Variants in TTN observed in about 807,000 individuals in gnomAD.
The protein encoded by TTN is connectin.
Under a neutral mutation model 3,223.0 loss-of-function variants are expected in TTN, and 1,525 were observed. The ratio of observed to expected loss-of-function variants is 0.47; its 90% CI spans 0.45 to 0.49. The LOEUF (loss-of-function observed/expected upper bound fraction) is 0.49. Among genes scored for constraint, TTN ranks in the 20% least tolerant of loss-of-function variants. The probability of loss-of-function intolerance (pLI) is 0.00; values close to 1 mark genes in which losing one functional copy is unlikely to be tolerated. For synonymous variants in TTN, 14,094 were observed against 15,161.0 expected (o/e 0.93, Z 5.17); for missense variants, 40,786 against 43,424.0 (o/e 0.94, Z 5.40).
Position 178,530,381 on chromosome 2 carries a change from C to A in TTN, c.106234G>T (p.Ala35412Ser), listed in dbSNP as rs766892661. 2 of 1,613,886 alleles carry A rather than the reference C, an allele frequency of 1.2e-6. No individual in the cohort carries two copies. Among genetic ancestry groups the A allele is most frequent in the Non-Finnish European group, 1.7e-6 (2 of 1,179,872 alleles). Residue 35412 changes from alanine (A) to serine (S), a missense_variant, in exon 358 of 363, where the codon GCT becomes TCT. Ala to Ser is a moderately conservative substitution (Grantham distance 99, BLOSUM62 1). Coordinates refer to ENST00000589042, the MANE Select transcript of TTN (RefSeq NM_001267550.2). ...STVTRKTEPK[A>S]PEPISSKPVI... ...GGTTTTGAGGAAATTGGTTCAGGAG[C>A]TTTTGGTTCAGTTTTTCTGGTTACT... is the stretch of plus-strand genomic sequence containing the variant.
At chr2:178,544,594 C>T (rs1696158922) in intron 344 of TTN, 88 bp from the exon 345 acceptor site, 8 of 1,148,252 alleles carry the variant, frequency 7.0e-6, no homozygotes, top group Non-Finnish European at 1.0e-5. Context: ...CTCACAAAGG[C>T]ATTATTGCTC....
In TTN at chr2:178,647,400, T is replaced by A. The variant is rs752510427; in HGVS notation, c.40122A>T (p.Pro13374=). The change falls in exon 214 of 363, where the codon CCA becomes CCT. Residue 13374 remains proline (P), a synonymous_variant. Coordinates refer to ENST00000589042, the MANE Select transcript of TTN (RefSeq NM_001267550.2). ...KEVSVPIPAE[P]EVPPAEVEET... Reference sequence around the variant, plus strand: ...GTGTACCTTCAGCAGGTGGAACTTCTGGCTCTGCAGGGATAGGCACAGACA... The same window carrying A: ...GTGTACCTTCAGCAGGTGGAACTTCAGGCTCTGCAGGGATAGGCACAGACA... 5 of 1,549,730 alleles carry A rather than the reference T, an allele frequency of 3.2e-6. No homozygotes were observed. In the South Asian group the frequency reaches 6.0e-5, roughly 18 times the overall value.
At chr2:178,623,093 T>G (rs1195397732) in intron 242 of TTN, among the ~76,000 whole-genome samples, 1 of 151,836 alleles carries the variant, frequency 6.6e-6, no homozygotes, top group Non-Finnish European at 1.5e-5. Context: ...GCACCAGACT[T>G]GAAAGATAAT....
intron 29 of TTN, 107 bp downstream of exon 29, chr2:178,774,814 T>A: frequency 7.7e-7 from 1 of 1,304,012 alleles, no homozygotes. Context: ...TATAGTCAAT[T>A]TCCAAATAAT....
chr2:178,698,156 G>A (rs2074056244), intron 112 of TTN, among the ~76,000 whole-genome samples: 1 of 152,216 alleles, frequency 6.6e-6, no homozygotes, highest in Admixed American at 6.5e-5. Flanking sequence ...GACAAAGACT[G>A]TAAGTTCTCA....
At position 178,734,846 on chromosome 2, in the gene TTN, G is replaced by C; in HGVS notation, c.15078C>G (p.Asn5026Lys). The change falls in exon 51 of 363, where the codon AAC (asparagine) becomes AAG (lysine). Residue 5026 changes from asparagine to lysine, a missense_variant. Coordinates refer to ENST00000589042, the MANE Select transcript of TTN (RefSeq NM_001267550.2). ...AATTGACAAAATACATTCGGACTGT[G>C]TTACTTTCACTGAGTTCTTTGTTAT... The part of the protein sequence containing the change: ...FKNNKELSES[N>K]TVRMYFVNSE... 6.2e-7 allele frequency: 1 copy of C among 1,613,734 alleles called. No individual in the cohort carries two copies. The highest frequency in any genetic ancestry group is 8.5e-7 in the Non-Finnish European group (1 of 1,179,756).
In TTN at chr2:178,611,044, G is replaced by C; in HGVS notation, c.51085C>G (p.Leu17029Val). The C allele has an allele frequency of 6.2e-7, 1 of 1,612,710 alleles. No homozygotes were observed. Among genetic ancestry groups the C allele is most frequent in the Non-Finnish European group, 8.5e-7 (1 of 1,179,118 alleles). Reference protein sequence around the residue: ...RADAGIYTITLENKLGSATAS... With the variant: ...RADAGIYTITVENKLGSATAS... Reference sequence around the variant, plus strand: ...GTTGCTGAGCCGAGCTTATTCTCCAGTGTAATGGTATAAATTCCGGCATCT... The same window carrying C: ...GTTGCTGAGCCGAGCTTATTCTCCACTGTAATGGTATAAATTCCGGCATCT... Residue 17029 changes from leucine to valine, a missense_variant, in exon 270 of 363, where the codon CTG (leucine) becomes GTG (valine). By Grantham distance (32) the Leu-to-Val change is conservative. Coordinates refer to ENST00000589042, the MANE Select transcript of TTN (RefSeq NM_001267550.2).
chr2:178,747,705 C>T, intron 47 of TTN: 1 of 1,612,298 alleles, frequency 6.2e-7, no homozygotes. Context: ...TCAGATTCTG[C>T]TGCCTCAGTG....
At chr2:178,706,336 T>C (rs1560527659) in intron 102 of TTN, 118 bp downstream of exon 102, 6 of 1,078,612 alleles carry the variant, frequency 5.6e-6, no homozygotes, top group Non-Finnish European at 7.8e-6. Context: ...GTATTGTTTA[T>C]TTGTATTTTT....
intron 121 of TTN, among the ~76,000 whole-genome samples, chr2:178,690,810 A>G (rs1361848035): frequency 6.6e-6 from 1 of 152,120 alleles, no homozygotes; most frequent in Non-Finnish European, 1.5e-5. Context: ...TATACGTGCT[A>G]TTATACTATG....
intron 3 of TTN, among the ~76,000 whole-genome samples, 186 bp downstream of exon 3, chr2:178,801,952 C>T (rs1345442606): frequency 6.6e-6 from 1 of 152,168 alleles, no homozygotes; most frequent in African/African-American, 2.4e-5. Context: ...TTACGATGTA[C>T]TCTAGAGGAA....
At position 178,634,583 on chromosome 2, in the gene TTN, T is replaced by C. The variant is rs748122974; in HGVS notation, c.42198A>G (p.Pro14066=). ...FAVPLKDVTV[P]ERRQARFECV... is the part of the protein sequence containing the mutation. The stretch of plus-strand genomic sequence containing the variant: ...ATTCGAATCGAGCCTGTCGCCTTTC[T>C]GGAACAGTGACATCCTTCAGGGGCA... Residue 14066 remains proline (P), a synonymous_variant, in exon 230 of 363, where the codon CCA becomes CCG. Coordinates refer to ENST00000589042, the MANE Select transcript of TTN (RefSeq NM_001267550.2). The surrounding 1 kb of genome is among the most constrained non-coding windows in gnomAD (Gnocchi z 4.6). The C allele has an allele frequency of 6.2e-7, 1 of 1,613,378 alleles. No individual in the cohort carries two copies. Among genetic ancestry groups the C allele is most frequent in the Non-Finnish European group, 8.5e-7 (1 of 1,179,522 alleles).
intron 11 of TTN, 74 bp downstream of exon 11, chr2:178,790,634 C>T: frequency 1.9e-6 from 3 of 1,608,950 alleles, no homozygotes; most frequent in Non-Finnish European, 2.6e-6. Context: ...TGATTAAGAT[C>T]CATGATGAAA....
rs756815015 is a variant in TTN at position 178,564,486 on chromosome 2, G to A, written c.81646C>T (p.Arg27216Cys). Residue 27216 changes from arginine (R) to cysteine (C), a missense_variant, in exon 326 of 363, where the codon CGC becomes TGC. Transcript: ENST00000589042. Reference sequence around the variant, plus strand: ...TTGGTAAAGCTGGCTTTCATCCAGCGGCCATCAGGTAGATCTTTCTTTTCT... The same window carrying A: ...TTGGTAAAGCTGGCTTTCATCCAGCAGCCATCAGGTAGATCTTTCTTTTCT... ...IVEKKDLPDG[R>C]WMKASFTNVL... is the part of the protein sequence containing the mutation. 1.1e-5 allele frequency: 18 copies of A among 1,611,802 alleles called. No homozygotes were observed. The highest frequency in any genetic ancestry group is 1.4e-5 in the Non-Finnish European group (17 of 1,178,810).
intron 50 of TTN, among the ~76,000 whole-genome samples, chr2:178,735,194 C>T (rs1206225753): frequency 1.3e-5 from 2 of 152,138 alleles, no homozygotes; most frequent in Non-Finnish European, 2.9e-5. Flanking sequence ...CAACAATAAA[C>T]AGACTACCTA....
At position 178,536,161 on chromosome 2, in the gene TTN, C is replaced by G. The variant is rs1222059449; in HGVS notation, c.100586G>C (p.Trp33529Ser). 1 of 1,613,446 alleles carries G rather than the reference C, an allele frequency of 6.2e-7. No homozygotes were observed. Among genetic ancestry groups the G allele is most frequent in the Non-Finnish European group, 8.5e-7 (1 of 1,179,686 alleles). The change falls in exon 357 of 363, where the codon TGG becomes TCG. Residue 33529 changes from tryptophan (W) to serine (S), a missense_variant. Physicochemically the swap from Trp to Ser is radical, Grantham distance 177 (BLOSUM62 -3). Transcript: ENST00000589042. Reference protein sequence around the residue: ...VTGHPKPIVKWYRQGKEIIAD... With the variant: ...VTGHPKPIVKSYRQGKEIIAD... ...AATGATTTCTTTGCCTTGTCTGTAC[C>G]ATTTGACGATAGGTTTTGGATGACC...
chr2:178,724,812 T>A (rs1017540589), intron 71 of TTN: 12 of 296,058 alleles, frequency 4.1e-5, no homozygotes, highest in Non-Finnish European at 6.7e-5. Context: ...GAAATATATG[T>A]TCGTGCATGA....
chr2:178,650,206 G>C lies in TTN; in HGVS notation c.39775C>G (p.Pro13259Ala), dbSNP rs2062707994. ...TCTGGTTCCTCCTCTTCTGCAACAG[G>C]AACTGGCTTTTCCTCTTCAGGAGCA... ...EIAPEEEKPV[P>A]VAEEEEPEVP... The change falls in exon 210 of 363, where the codon CCT becomes GCT. Residue 13259 changes from proline to alanine, a missense_variant. Physicochemically the swap from Pro to Ala is conservative, Grantham distance 27. Transcript: ENST00000589042. 1 of 1,597,564 alleles carries C rather than the reference G, an allele frequency of 6.3e-7. No homozygotes were observed. Among genetic ancestry groups the C allele is most frequent in the African/African-American group, 1.3e-5 (1 of 74,602 alleles).
At position 178,652,717 on chromosome 2, in the gene TTN, C is replaced by A; in HGVS notation, c.38979G>T (p.Glu12993Asp). 6.2e-7 allele frequency: 1 copy of A among 1,605,202 alleles called. No homozygotes were observed. The highest frequency in any genetic ancestry group is 8.5e-7 in the Non-Finnish European group (1 of 1,175,368). Residue 12993 changes from glutamate to aspartate, a missense_variant, in exon 201 of 363, where the codon GAG becomes GAT. Coordinates refer to ENST00000589042, the MANE Select transcript of TTN (RefSeq NM_001267550.2). ...PPVKVPEAPK[E>D]VVPEKKVPSA... ...AGGGCACTTTCTTTTCAGGAACAACCTCTTTGGGAGCCTCTGGTACTTAAA... is the reference window on the plus strand; with the variant it reads ...AGGGCACTTTCTTTTCAGGAACAACATCTTTGGGAGCCTCTGGTACTTAAA...
Sources: allele counts gnomAD v4.1 joint callset (sites outside exome capture counted in the v4.1 genomes callset), GRCh38; gene constraint gnomAD v4.1.1; non-coding constraint Gnocchi (gnomAD v3.1); transcripts MANE v1.5; gene names NCBI Gene and HGNC (gene_info 2026-07-23, HGNC 2026-07-21).